The following IGF2BP1 variants were observed in gnomAD, a reference collection of about 807,000 sequenced individuals.
The protein encoded by IGF2BP1 is insulin-like growth factor 2 mRNA-binding protein 1.
Under a neutral mutation model 74.9 loss-of-function variants are expected in IGF2BP1, and 11 were observed. The ratio of observed to expected loss-of-function variants is 0.15; its 90% CI spans 0.09 to 0.24. The LOEUF is 0.24. Ranked by LOEUF, IGF2BP1 falls within the 10% of genes least tolerant of loss-of-function variation. The probability of loss-of-function intolerance (pLI) is 1.00; values close to 1 mark genes in which losing one functional copy is unlikely to be tolerated. For synonymous variants in IGF2BP1, 287 were observed against 281.8 expected (o/e 1.02, Z -0.18); for missense variants, 440 against 757.4 (o/e 0.58, Z 4.92).
intron 3 of IGF2BP1, 88 bp downstream of exon 3, chr17:49,025,754 G>T: frequency 8.4e-7 from 1 of 1,184,646 alleles, no homozygotes; most frequent in South Asian, 1.3e-5. Flanking sequence ...AGAAATGATT[G>T]GGGAGGTCTG....
chr17:49,019,922 A>G lies in IGF2BP1; in HGVS notation c.237-5696A>G, dbSNP rs1260182787. ...GGCTAATTTATATATATATATATAT[A>G]TATATATATATATATATATATATAT... On this transcript the variant is annotated intron_variant, in intron 2 of 14. Transcript: ENST00000290341. Among the ~76,000 whole-genome samples, 262 of 57,422 alleles carry G rather than the reference A, an allele frequency of 4.6e-3. 5 individuals carry two copies. The highest frequency in any genetic ancestry group is 0.024 in the African/African-American group (244 of 10,118). 37.7% of individuals were successfully genotyped at this position (57,422 alleles called of 152,430 possible). A position where few individuals can be genotyped will look rare whatever the true frequency, so the allele number is the denominator to read the frequency against.
chr17:48,999,923 GGTGTGTGTGTGTGTGTGT>G lies in IGF2BP1; in HGVS notation c.236+777_236+794del, dbSNP rs371605973. On this transcript the variant is annotated intron_variant, in intron 2 of 14. Coordinates refer to ENST00000290341, the MANE Select transcript of IGF2BP1 (RefSeq NM_006546.4). ...AGGGTCTAGAACTCCGTGGATGAATGGTGTGTGTGTGTGTGTGTGTGTGTGTGTGTGTGTGTGTGTTCG... is the reference window on the plus strand; with the variant it reads ...AGGGTCTAGAACTCCGTGGATGAATGGTGTGTGTGTGTGTGTGTGTGTTCG... 1.3e-4 allele frequency among the ~76,000 whole-genome samples: 17 copies of G among 134,106 alleles called. 1 individual carries two copies. Among genetic ancestry groups the G allele is most frequent in the South Asian group, 5.3e-4 (2 of 3,768 alleles). The allele number at this position is 134,106 out of a possible 152,430, so 88.0% of individuals were successfully genotyped here. A position where few individuals can be genotyped will look rare whatever the true frequency, so the allele number is the denominator to read the frequency against.
chr17:49,002,252 TAC>T (rs2041496259), intron 2 of IGF2BP1, among the ~76,000 whole-genome samples: 1 of 152,194 alleles, frequency 6.6e-6, no homozygotes, highest in Non-Finnish European at 1.5e-5. Context: ...GTCCAAATTT[TAC>T]AGTTTAATTT....
chr17:49,039,520 G>T (rs1325884753), intron 6 of IGF2BP1, among the ~76,000 whole-genome samples: 1 of 151,966 alleles, frequency 6.6e-6, no homozygotes, highest in African/African-American at 2.4e-5. Flanking sequence ...CTCCTCCCAG[G>T]TTCAAGCAAT....
intron 2 of IGF2BP1, among the ~76,000 whole-genome samples, chr17:49,008,164 T>C (rs1478161472): frequency 8.8e-5 from 13 of 147,168 alleles, no homozygotes. Context: ...AAGAGTGAAA[T>C]TCCATCTCAA....
intron 11 of IGF2BP1, 49 bp from the exon 12 acceptor site, chr17:49,044,942 G>A: frequency 6.8e-7 from 1 of 1,475,518 alleles, no homozygotes; most frequent in Non-Finnish European, 9.5e-7. Context: ...GGACATGGTG[G>A]GGGTCTTCCC....
chr17:49,016,788 A>C (rs868637733), intron 2 of IGF2BP1, among the ~76,000 whole-genome samples: 40 of 108,474 alleles, frequency 3.7e-4, no homozygotes, highest in Middle Eastern at 9.3e-3. Flanking sequence ...ACAGCCCGCC[A>C]GCCCGCCCGC....
intron 2 of IGF2BP1, among the ~76,000 whole-genome samples, chr17:49,020,496 G>A (rs946178375): frequency 2.6e-5 from 4 of 152,200 alleles, no homozygotes; most frequent in African/African-American, 9.6e-5. Context: ...AAGTCACACA[G>A]CCATGCAGAA....
chr17:49,031,495 TTTC>T (rs1001973985), intron 4 of IGF2BP1, among the ~76,000 whole-genome samples: 18 of 152,054 alleles, frequency 1.2e-4, no homozygotes, highest in East Asian at 3.9e-4. Context: ...TGTCCTTTTC[TTTC>T]TTCTTTTTTT....
chr17:49,031,381 G>A (rs530914032), intron 4 of IGF2BP1, among the ~76,000 whole-genome samples: 1 of 152,254 alleles, frequency 6.6e-6, no homozygotes, highest in Admixed American at 6.5e-5. Context: ...GGGATTATAG[G>A]CGTGAGGTAC....
rs1002409986 is a variant in IGF2BP1 at position 48,997,691 on chromosome 17, C to T, written c.-55C>T. ...CTCTTGGCCTAGGAGGCTCGCCGCC[C>T]GCGCCCGCTCGTTCGGCCTTGCCCG... is the stretch of plus-strand genomic sequence containing the variant. On this transcript the variant is annotated 5_prime_UTR_variant, in exon 1 of 15. Transcript: ENST00000290341. This position sits in a 1 kb window ranked among gnomAD's most constrained non-coding sequence, Gnocchi z 4.8. The T allele has an allele frequency of 5.1e-6, 8 of 1,575,864 alleles. No individual in the cohort carries two copies. The highest frequency in any genetic ancestry group is 1.8e-5 in the Admixed American group (1 of 56,406).
chr17:49,023,306 CAG>C (rs1157159540), intron 2 of IGF2BP1, among the ~76,000 whole-genome samples: 3 of 152,202 alleles, frequency 2.0e-5, no homozygotes, highest in African/African-American at 7.2e-5. Flanking sequence ...CAGCCAAAGA[CAG>C]AGATTCTCTT....
At chr17:49,048,678 G>A (rs2042133005) in intron 14 of IGF2BP1, among the ~76,000 whole-genome samples, 1 of 152,120 alleles carries the variant, frequency 6.6e-6, no homozygotes, top group Non-Finnish European at 1.5e-5. Flanking sequence ...GACTGGTACC[G>A]GGCCACACAG....
At chr17:49,007,103 G>A (rs2041559388) in intron 2 of IGF2BP1, among the ~76,000 whole-genome samples, 1 of 152,144 alleles carries the variant, frequency 6.6e-6, no homozygotes, top group Admixed American at 6.5e-5. Context: ...AATTCAGGAT[G>A]AAGGGGACTG....
At chr17:48,999,522 CAT>C (rs2041458912) in intron 2 of IGF2BP1, among the ~76,000 whole-genome samples, 1 of 152,048 alleles carries the variant, frequency 6.6e-6, no homozygotes, top group African/African-American at 2.4e-5. Context: ...AGTTCAGACT[CAT>C]GGCGATTTCT....
chr17:49,015,053 G>A, intron 2 of IGF2BP1: 2 of 477,356 alleles, frequency 4.2e-6, no homozygotes, highest in Non-Finnish European at 5.5e-6. Flanking sequence ...CGCCCAGGCT[G>A]GAGTGCAGTG....
chr17:49,005,625 C>G (rs1476022213), intron 2 of IGF2BP1, among the ~76,000 whole-genome samples: 2 of 152,020 alleles, frequency 1.3e-5, no homozygotes, highest in Non-Finnish European at 2.9e-5. Context: ...AGAGGGGAAG[C>G]TCTACATTTT....
At chr17:49,025,710 C>G in intron 3 of IGF2BP1, 44 bp downstream of exon 3, 1 of 1,570,716 alleles carries the variant, frequency 6.4e-7, no homozygotes, top group Admixed American at 1.7e-5. Flanking sequence ...GATAGTGGAG[C>G]CTGGAAAGTA....
Position 49,052,291 on chromosome 17 carries a change from G to A in IGF2BP1, c.*2847G>A, listed in dbSNP as rs2042176524. ...ATAACGTTCAGACGTCGGCCATTTAGTAATTTAAAGCGAATTTCCAGCAGC... is the reference window on the plus strand; with the variant it reads ...ATAACGTTCAGACGTCGGCCATTTAATAATTTAAAGCGAATTTCCAGCAGC... On this transcript the variant is annotated 3_prime_UTR_variant, in exon 15 of 15. Transcript: ENST00000290341. 1 of 152,096 alleles carries A rather than the reference G, an allele frequency of 6.6e-6. No individual in the cohort carries two copies. The highest frequency in any genetic ancestry group is 2.4e-5 in the African/African-American group (1 of 41,394). 9.4% of individuals were successfully genotyped at this position (152,096 alleles called of 1,614,324 possible).
Sources: allele counts gnomAD v4.1 joint callset (sites outside exome capture counted in the v4.1 genomes callset), GRCh38; gene constraint gnomAD v4.1.1; non-coding constraint Gnocchi (gnomAD v3.1); transcripts MANE v1.5; gene names NCBI Gene and HGNC (gene_info 2026-07-23, HGNC 2026-07-21).